GPC3: variants seen among roughly 807,000 people sequenced by gnomAD.
The protein encoded by GPC3 is glypican 3, also known as glypican-3.
A neutral mutation model predicts 34.4 loss-of-function variants in GPC3; 3 were observed. The ratio of observed to expected loss-of-function variants is 0.09; its 90% CI spans 0.04 to 0.23. GPC3 has a LOEUF of 0.23. Among genes scored for constraint, GPC3 ranks in the 10% least tolerant of loss-of-function variants. The pLI is 1.00. For missense variants in GPC3, 351 were observed against 445.6 expected (o/e 0.79, Z 1.91); for synonymous variants, 177 against 174.0 (o/e 1.02, Z -0.13).
chrX:133,898,302 T>G (rs2076128295), intron 2 of GPC3, among the ~76,000 whole-genome samples: 1 of 111,797 alleles, frequency 8.9e-6, no homozygotes, highest in Admixed American at 9.5e-5. Context: ...TCAATACGTT[T>G]ATAAGCTATA....
intron 3 of GPC3, among the ~76,000 whole-genome samples, chrX:133,745,360 A>G (rs969848677): frequency 7.1e-5 from 8 of 111,989 alleles, no homozygotes; most frequent in African/African-American, 2.6e-4. Context: ...TGGTCATCAC[A>G]ATGCTTCACC....
intron 2 of GPC3, among the ~76,000 whole-genome samples, chrX:133,947,404 G>A (rs909494535): frequency 9.0e-6 from 1 of 111,500 alleles, no homozygotes; most frequent in Admixed American, 9.5e-5. Context: ...GTCTCTGGCT[G>A]CATATTGAGT....
chrX:133,907,016 G>A (rs913259985), intron 2 of GPC3, among the ~76,000 whole-genome samples: 13 of 109,325 alleles, frequency 1.2e-4, no homozygotes, highest in African/African-American at 4.3e-4. Flanking sequence ...AAGGAGAATC[G>A]CTTGAACCCG....
At chrX:133,626,683 G>A (rs2070300754) in intron 6 of GPC3, among the ~76,000 whole-genome samples, 1 of 108,034 alleles carries the variant, frequency 9.3e-6, no homozygotes, top group South Asian at 4.1e-4. Context: ...TGGAGAGGAT[G>A]TGGACAAATA....
intron 2 of GPC3, among the ~76,000 whole-genome samples, chrX:133,901,093 C>T (rs1466029200): frequency 1.8e-5 from 2 of 111,539 alleles, no homozygotes; most frequent in Admixed American, 1.9e-4. Context: ...GTTAATACGA[C>T]AGCATGCCAC....
At chrX:133,718,601 C>T (rs1569419994) in intron 3 of GPC3, among the ~76,000 whole-genome samples, 1 of 110,879 alleles carries the variant, frequency 9.0e-6, no homozygotes. Flanking sequence ...CATTATTACT[C>T]GTTTTATTAC....
chrX:133,767,352 T>C lies in GPC3; in HGVS notation c.338-13176A>G, dbSNP rs984580587. ...CCTTAGAGTCATGATGAAATGGAAA[T>C]TATAAGAAAATAAGTGAAAAAGGTC... On this transcript the variant is annotated intron_variant, in intron 2 of 7. Transcript: ENST00000370818. 2.7e-5 allele frequency among the ~76,000 whole-genome samples: 3 copies of C among 111,849 alleles called. No homozygotes were observed. In the South Asian group the frequency reaches 1.1e-3, roughly 42 times the overall value.
intron 3 of GPC3, among the ~76,000 whole-genome samples, chrX:133,711,964 T>C (rs1159778266): frequency 1.8e-5 from 2 of 112,260 alleles, no homozygotes; most frequent in African/African-American, 6.5e-5. Flanking sequence ...AGTGAAAAAA[T>C]TTTGTAGTCT....
At chrX:133,650,159 C>T (rs774757691) in intron 6 of GPC3, among the ~76,000 whole-genome samples, 1 of 111,580 alleles carries the variant, frequency 9.0e-6, no homozygotes, top group South Asian at 3.8e-4. Flanking sequence ...GATATCATGT[C>T]AACCGGGTTT....
chrX:133,628,378 G>A (rs992768575), intron 6 of GPC3, among the ~76,000 whole-genome samples: 17 of 112,296 alleles, frequency 1.5e-4, no homozygotes, highest in Non-Finnish European at 2.4e-4. Flanking sequence ...GGCCTTGGCC[G>A]GGAGTGGTGG....
chrX:133,563,980 A>C (rs1235110391), intron 7 of GPC3, among the ~76,000 whole-genome samples: 1 of 110,390 alleles, frequency 9.1e-6, no homozygotes, highest in African/African-American at 3.3e-5. Context: ...AATCATAACC[A>C]AGCAGAGGAG....
intron 2 of GPC3, among the ~76,000 whole-genome samples, chrX:133,909,829 C>G (rs1322343446): frequency 1.8e-5 from 2 of 111,348 alleles, no homozygotes; most frequent in Non-Finnish European, 3.8e-5. Context: ...GACTCAAGGA[C>G]TCCCAGTGAA....
intron 4 of GPC3, among the ~76,000 whole-genome samples, chrX:133,693,607 C>T (rs1345072494): frequency 9.0e-6 from 1 of 111,389 alleles, no homozygotes; most frequent in Non-Finnish European, 1.9e-5. Context: ...GCCTGATGTA[C>T]AGGCCTCTAT....
chrX:133,903,863 G>C (rs1052973637), intron 2 of GPC3, among the ~76,000 whole-genome samples: 4 of 111,240 alleles, frequency 3.6e-5, no homozygotes, highest in African/African-American at 1.3e-4. Flanking sequence ...GAGATGTACT[G>C]AGCAGAAATA....
chrX:133,948,238 A>G (rs2076377616), intron 2 of GPC3, among the ~76,000 whole-genome samples: 1 of 111,332 alleles, frequency 9.0e-6, no homozygotes, highest in Non-Finnish European at 1.9e-5. Context: ...ATGTCCCTAA[A>G]CAGTTATTTC....
intron 2 of GPC3, among the ~76,000 whole-genome samples, chrX:133,931,710 T>C (rs765241405): frequency 2.7e-5 from 3 of 111,600 alleles, no homozygotes; most frequent in Non-Finnish European, 5.7e-5. Context: ...TTAACAACAA[T>C]TACAATAGCC....
intron 2 of GPC3, among the ~76,000 whole-genome samples, chrX:133,926,580 T>C (rs2076275523): frequency 8.9e-6 from 1 of 111,976 alleles, no homozygotes; most frequent in Non-Finnish European, 1.9e-5. Flanking sequence ...AGCCCTTAAT[T>C]GAGAAATAAA....
chrX:133,745,273 C>T lies in GPC3; in HGVS notation c.1032+8209G>A, dbSNP rs756961594. Reference sequence around the variant, plus strand: ...CTTCTGCCTACTTGGGCAAATATCCCTGGCTTTCTGACCTTTCTGAATACA... The same window carrying T: ...CTTCTGCCTACTTGGGCAAATATCCTTGGCTTTCTGACCTTTCTGAATACA... On this transcript the variant is annotated intron_variant, in intron 3 of 7. Transcript: ENST00000370818. 3.6e-5 allele frequency among the ~76,000 whole-genome samples: 4 copies of T among 112,321 alleles called. No individual in the cohort carries two copies. The Admixed American group carries it at 3.8e-4, about 11-fold the overall frequency.
intron 3 of GPC3, among the ~76,000 whole-genome samples, chrX:133,748,335 C>T (rs1431543023): frequency 8.9e-6 from 1 of 111,976 alleles, no homozygotes; most frequent in East Asian, 2.8e-4. Flanking sequence ...TTTGCAGTTG[C>T]TTTAAGGTAT....
Sources: allele counts gnomAD v4.1 joint callset (sites outside exome capture counted in the v4.1 genomes callset), GRCh38; gene constraint gnomAD v4.1.1; transcripts MANE v1.5; gene names NCBI Gene and HGNC (gene_info 2026-07-23, HGNC 2026-07-21).